The following PDZRN4 variants were observed in gnomAD, a reference collection of about 807,000 sequenced individuals.
The protein encoded by PDZRN4 is PDZ domain-containing RING finger protein 4.
A neutral mutation model predicts 99.0 loss-of-function variants in PDZRN4; 70 were observed. The observed-to-expected ratio is 0.71, with a 90% CI of 0.58 to 0.86. PDZRN4 has a LOEUF of 0.86. PDZRN4 is among the 40% of genes least tolerant of loss of function. The pLI is 0.00. For synonymous variants in PDZRN4, 551 were observed against 501.6 expected (o/e 1.10, Z -1.32); for missense variants, 1,474 against 1,331.2 (o/e 1.11, Z -1.67).
chr12:41,474,146 A>G (rs1283130433), intron 3 of PDZRN4, among the ~76,000 whole-genome samples: 2 of 152,242 alleles, frequency 1.3e-5, no homozygotes, highest in Non-Finnish European at 2.9e-5. Context: ...GTTTCTGTCT[A>G]GTCCTCAATG....
In PDZRN4 at chr12:41,274,852, G is replaced by A. The variant is rs138997192; in HGVS notation, c.843+80664G>A. Among the ~76,000 whole-genome samples, 394 of 152,184 alleles carry A rather than the reference G, an allele frequency of 2.6e-3. 3 individuals carry two copies. Among genetic ancestry groups the A allele is most frequent in the African/African-American group, 9.2e-3 (382 of 41,524 alleles). On this transcript the variant is annotated intron_variant, in intron 3 of 9. Coordinates refer to ENST00000402685, the MANE Select transcript of PDZRN4 (RefSeq NM_001164595.2). ...TCCTGTTTACTGAATCACTGGACTC[G>A]CCATTAGGGAAATGTGGTAGGAAAA...
At chr12:41,307,406 C>T (rs1166475067) in intron 3 of PDZRN4, among the ~76,000 whole-genome samples, 1 of 152,130 alleles carries the variant, frequency 6.6e-6, no homozygotes, top group Non-Finnish European at 1.5e-5. Context: ...CTCTGTCTCT[C>T]ACTTGTTCTT....
At chr12:41,370,570 A>T (rs901683974) in intron 3 of PDZRN4, among the ~76,000 whole-genome samples, 2 of 151,926 alleles carry the variant, frequency 1.3e-5, no homozygotes, top group African/African-American at 4.8e-5. Context: ...TTATCTGCTC[A>T]GGGCTTGATA....
intron 4 of PDZRN4, among the ~76,000 whole-genome samples, chr12:41,507,946 T>C (rs1245312969): frequency 6.6e-6 from 1 of 152,060 alleles, no homozygotes; most frequent in Non-Finnish European, 1.5e-5. Flanking sequence ...AGGAAACAAA[T>C]ATATAATATT....
intron 3 of PDZRN4, among the ~76,000 whole-genome samples, chr12:41,417,413 T>C (rs561082864): frequency 2.9e-5 from 3 of 102,280 alleles, no homozygotes; most frequent in Admixed American, 1.7e-4. Context: ...ATGCTAATAG[T>C]TTAGGAGATT....
intron 4 of PDZRN4, 187 bp from the exon 5 acceptor site, chr12:41,509,624 T>C (rs2120683046): frequency 2.5e-6 from 1 of 404,122 alleles, no homozygotes; most frequent in South Asian, 4.3e-5. Flanking sequence ...AATTGCAAAT[T>C]GATGGACTTC....
intron 3 of PDZRN4, among the ~76,000 whole-genome samples, chr12:41,381,006 A>C (rs1565567323): frequency 1.3e-5 from 2 of 152,064 alleles, no homozygotes; most frequent in Non-Finnish European, 2.9e-5. Flanking sequence ...AGTATGGTTG[A>C]CTGGAAGATT....
At chr12:41,352,089 T>C (rs1031766650) in intron 3 of PDZRN4, among the ~76,000 whole-genome samples, 5 of 151,826 alleles carry the variant, frequency 3.3e-5, no homozygotes, top group African/African-American at 1.2e-4. Flanking sequence ...TTGAAAAAAG[T>C]GGGGATGTAT....
intron 3 of PDZRN4, among the ~76,000 whole-genome samples, chr12:41,310,180 G>A (rs896478527): frequency 5.3e-5 from 8 of 151,994 alleles, no homozygotes; most frequent in South Asian, 4.1e-4. Flanking sequence ...CGATCCACCC[G>A]CCTTGGCCTC....
intron 5 of PDZRN4, among the ~76,000 whole-genome samples, chr12:41,523,927 AT>A (rs1787956612): frequency 3.9e-5 from 6 of 152,282 alleles, no homozygotes; most frequent in African/African-American, 1.2e-4. Context: ...TGCATGTTTA[AT>A]GTGTACAGCT....
At chr12:41,561,932 G>A (rs567714821) in intron 7 of PDZRN4, among the ~76,000 whole-genome samples, 3 of 152,148 alleles carry the variant, frequency 2.0e-5, no homozygotes, top group South Asian at 2.1e-4. Flanking sequence ...ATCCACCACT[G>A]CCAATTTATC....
At chr12:41,480,595 A>C (rs1023483534) in intron 3 of PDZRN4, among the ~76,000 whole-genome samples, 1 of 152,200 alleles carries the variant, frequency 6.6e-6, no homozygotes, top group Non-Finnish European at 1.5e-5. Flanking sequence ...AAGGAATATA[A>C]TAAACGAAAA....
At chr12:41,556,916 G>A (rs139718124) in intron 7 of PDZRN4, among the ~76,000 whole-genome samples, 5,697 of 151,798 alleles carry the variant, frequency 0.038, 347 homozygotes, top group East Asian at 0.24. Context: ...TTGGAAGGCC[G>A]AGGCAGGCAG....
At chr12:41,439,014 CT>C (rs1952655087) in intron 3 of PDZRN4, among the ~76,000 whole-genome samples, 1 of 152,166 alleles carries the variant, frequency 6.6e-6, no homozygotes, top group Non-Finnish European at 1.5e-5. Flanking sequence ...AGATTTCCCC[CT>C]GACGTGATTC....
intron 3 of PDZRN4, among the ~76,000 whole-genome samples, chr12:41,318,981 C>T (rs998571221): frequency 4.6e-5 from 7 of 152,150 alleles, no homozygotes; most frequent in African/African-American, 1.7e-4. Flanking sequence ...TAAGTAACTT[C>T]TTCATGCCAG....
intron 3 of PDZRN4, among the ~76,000 whole-genome samples, chr12:41,239,389 G>T (rs1000098189): frequency 6.6e-6 from 1 of 152,156 alleles, no homozygotes; most frequent in African/African-American, 2.4e-5. Flanking sequence ...CCTAGGTGAT[G>T]GGTTGAACTG....
chr12:41,552,604 T>C (rs2120800132), intron 5 of PDZRN4, 52 bp from the exon 6 acceptor site: 2 of 1,366,006 alleles, frequency 1.5e-6, no homozygotes, highest in East Asian at 2.3e-5. Context: ...CTCCATTCTG[T>C]TGCAGATTTT....
intron 3 of PDZRN4, among the ~76,000 whole-genome samples, chr12:41,339,710 TCAAA>T (rs1416321202): frequency 5.5e-4 from 83 of 152,076 alleles, no homozygotes; most frequent in African/African-American, 1.8e-3. Flanking sequence ...TGTAATGCAC[TCAAA>T]CAACTCAATA....
intron 3 of PDZRN4, among the ~76,000 whole-genome samples, chr12:41,233,553 G>A (rs971062100): frequency 5.3e-5 from 8 of 152,068 alleles, no homozygotes; most frequent in African/African-American, 1.2e-4. Context: ...GTCCAACAAC[G>A]ATAGACTGGA....
Sources: allele counts gnomAD v4.1 joint callset (sites outside exome capture counted in the v4.1 genomes callset), GRCh38; gene constraint gnomAD v4.1.1; transcripts MANE v1.5; gene names NCBI Gene and HGNC (gene_info 2026-07-23, HGNC 2026-07-21).